SLC9C2: variants seen among roughly 807,000 people sequenced by gnomAD.
SLC9C2 encodes the protein solute carrier family 9 member C2 (putative).
Under a neutral mutation model 140.2 loss-of-function variants are expected in SLC9C2, and 75 were observed. The ratio of observed to expected loss-of-function variants is 0.53; its 90% confidence interval spans 0.44 to 0.65. SLC9C2 has a LOEUF of 0.65. Ranked by LOEUF, SLC9C2 falls within the 30% of genes least tolerant of loss-of-function variation. SLC9C2 has a pLI of 0.00. For missense variants in SLC9C2, 1,074 were observed against 1,331.8 expected (o/e 0.81, Z 3.01); for synonymous variants, 375 against 420.9 (o/e 0.89, Z 1.34).
Position 173,548,494 on chromosome 1 carries a change from T to C in SLC9C2, c.1356A>G (p.Ile452Met), listed in dbSNP as rs781665354. The change falls in exon 12 of 28, where the codon ATA (isoleucine) becomes ATG (methionine). Residue 452 changes from isoleucine (I) to methionine (M), a missense_variant. Transcript: ENST00000367714. ...QMILQNATQH[I>M]QEIVQNTITL... ...TTATTGTGTTCTGTACTATCTCCTG[T>C]ATGTGCTGAGTGGCATTTTGCAAGA... The C allele has an allele frequency of 2.5e-6, 4 of 1,613,900 alleles. No homozygotes were observed. The highest frequency in any genetic ancestry group is 3.4e-6 in the Non-Finnish European group (4 of 1,179,824).
intron 22 of SLC9C2, among the ~76,000 whole-genome samples, chr1:173,519,465 C>A (rs1279121726): frequency 2.0e-5 from 3 of 152,096 alleles, no homozygotes; most frequent in Admixed American, 2.0e-4. Flanking sequence ...CATTGGATTT[C>A]TGACCTACAC....
intron 4 of SLC9C2, among the ~76,000 whole-genome samples, chr1:173,591,241 T>C (rs892725886): frequency 6.6e-6 from 1 of 152,362 alleles, no homozygotes; most frequent in South Asian, 2.1e-4. Context: ...CAGTATTCCA[T>C]GGCAAATATG....
chr1:173,571,079 C>T (rs1664815001), intron 9 of SLC9C2, among the ~76,000 whole-genome samples: 1 of 152,142 alleles, frequency 6.6e-6, no homozygotes. Context: ...GGTGTTCCTG[C>T]AGGGGGGTGA....
At chr1:173,536,069 G>T in intron 14 of SLC9C2, 120 bp from the exon 15 acceptor site, 1 of 832,542 alleles carries the variant, frequency 1.2e-6, no homozygotes, top group South Asian at 1.8e-5. Flanking sequence ...AATAAGCTCA[G>T]TCTCATGCCT....
At chr1:173,572,954 T>C (rs1200498605) in intron 9 of SLC9C2, among the ~76,000 whole-genome samples, 2 of 152,248 alleles carry the variant, frequency 1.3e-5, no homozygotes, top group Non-Finnish European at 2.9e-5. Flanking sequence ...TATGCATTTC[T>C]GTCTAGCTTA....
intron 13 of SLC9C2, among the ~76,000 whole-genome samples, chr1:173,538,315 C>T: frequency 6.6e-6 from 1 of 152,204 alleles, no homozygotes; most frequent in East Asian, 1.9e-4. Context: ...CTGAGGCCTA[C>T]CTCCAGTGTT....
chr1:173,540,549 G>A (rs577049482), intron 13 of SLC9C2, among the ~76,000 whole-genome samples: 1 of 152,268 alleles, frequency 6.6e-6, no homozygotes, highest in African/African-American at 2.4e-5. Context: ...AAGAGCAGTG[G>A]GGAAACTGTA....
intron 13 of SLC9C2, among the ~76,000 whole-genome samples, chr1:173,540,158 C>A (rs143519708): frequency 3.3e-5 from 5 of 152,262 alleles, no homozygotes; most frequent in African/African-American, 1.2e-4. Flanking sequence ...GCCAACTATA[C>A]AGAATAGGCC....
chr1:173,562,332 A>G (rs1241123838), intron 9 of SLC9C2, among the ~76,000 whole-genome samples: 1 of 152,242 alleles, frequency 6.6e-6, no homozygotes, highest in Non-Finnish European at 1.5e-5. Context: ...GCGTTTCATA[A>G]TGTTTATTTT....
Position 173,534,639 on chromosome 1 carries a change from C to A in SLC9C2, c.1819G>T (p.Glu607Ter). The change falls in exon 16 of 28, where the codon GAA becomes TAA. Residue 607 changes from glutamate to a stop codon, truncating the protein, a stop_gained. Coordinates refer to ENST00000367714, the MANE Select transcript of SLC9C2 (RefSeq NM_178527.4). LOFTEE classifies it high-confidence loss of function. ...LTFIFHIVFS[E>*]EFEYTGQIIN... ...ATCTGTCCTGTATATTCAAATTCTTCAGAAAATACTATGTGAAATATAAAA... is the reference window on the plus strand; with the variant it reads ...ATCTGTCCTGTATATTCAAATTCTTAAGAAAATACTATGTGAAATATAAAA... 6.5e-7 allele frequency: 1 copy of A among 1,543,710 alleles called. No individual in the cohort carries two copies. Among genetic ancestry groups the A allele is most frequent in the Admixed American group, 2.1e-5 (1 of 48,556 alleles).
intron 4 of SLC9C2, among the ~76,000 whole-genome samples, chr1:173,594,951 G>A (rs1666362011): frequency 6.6e-6 from 1 of 152,178 alleles, no homozygotes; most frequent in African/African-American, 2.4e-5. Flanking sequence ...CCAGGCTGGA[G>A]TGCAATGGCA....
intron 21 of SLC9C2, 31 bp from the exon 22 acceptor site, chr1:173,521,430 AAGAG>A: frequency 8.2e-7 from 1 of 1,220,948 alleles, no homozygotes; most frequent in Non-Finnish European, 1.1e-6. Context: ...CGAAAAGAAA[AAGAG>A]AGTCAACACA....
intron 7 of SLC9C2, among the ~76,000 whole-genome samples, chr1:173,578,014 G>T (rs890637289): frequency 1.3e-5 from 2 of 152,094 alleles, no homozygotes; most frequent in African/African-American, 2.4e-5. Context: ...AGGGACAGTG[G>T]AAGTGATAAG....
chr1:173,538,386 G>A (rs1039612628), intron 13 of SLC9C2, among the ~76,000 whole-genome samples: 1 of 152,146 alleles, frequency 6.6e-6, no homozygotes, highest in Non-Finnish European at 1.5e-5. Context: ...AGAAAATTAT[G>A]ATTTACTAAT....
rs1471843857 is a variant in SLC9C2, at chr1:173,533,733, A to C, written c.2039T>G (p.Val680Gly). 1 of 1,608,152 alleles carries C rather than the reference A, an allele frequency of 6.2e-7. No individual in the cohort carries two copies. Among genetic ancestry groups the C allele is most frequent in the South Asian group, 1.1e-5 (1 of 90,530 alleles). Residue 680 changes from valine to glycine, a missense_variant, in exon 17 of 28, where the codon GTT becomes GGT. Val to Gly is a moderately radical substitution (Grantham distance 109). Coordinates refer to ENST00000367714, the MANE Select transcript of SLC9C2 (RefSeq NM_178527.4). The part of the protein sequence containing the change: ...CWNTLEFFIL[V>G]IGIIDIFCVY... ...ACAAAAGATATCAATGATTCCAATA[A>C]CCAGGATAAAAAATTCCAAAGTATT...
chr1:173,550,515 T>C (rs1663202713), intron 11 of SLC9C2, among the ~76,000 whole-genome samples: 1 of 151,110 alleles, frequency 6.6e-6, no homozygotes. Flanking sequence ...CTTGCCTCAC[T>C]GCAACATCCA....
intron 4 of SLC9C2, among the ~76,000 whole-genome samples, chr1:173,593,647 AC>A (rs1666294124): frequency 6.6e-6 from 1 of 152,232 alleles, no homozygotes; most frequent in Admixed American, 6.5e-5. Context: ...ACATGGAATG[AC>A]ACCCATAGAC....
chr1:173,545,857 A>T (rs561590775), intron 13 of SLC9C2, among the ~76,000 whole-genome samples: 2 of 152,274 alleles, frequency 1.3e-5, no homozygotes, highest in South Asian at 4.1e-4. Flanking sequence ...CCTCATTCAC[A>T]AGTCTGGAAG....
chr1:173,516,041 C>T (rs1224830819), intron 23 of SLC9C2, among the ~76,000 whole-genome samples: 3 of 152,204 alleles, frequency 2.0e-5, no homozygotes, highest in African/African-American at 7.2e-5. Flanking sequence ...CCTGCTCCTT[C>T]CTCTGGGATC....
Sources: allele counts gnomAD v4.1 joint callset (sites outside exome capture counted in the v4.1 genomes callset), GRCh38; gene constraint gnomAD v4.1.1; transcripts MANE v1.5; gene names NCBI Gene and HGNC (gene_info 2026-07-23, HGNC 2026-07-21).